Variants in HUWE1 observed in about 807,000 individuals in gnomAD.
The protein encoded by HUWE1 is E3 ubiquitin-protein ligase HUWE1.
A neutral mutation model predicts 299.4 loss-of-function variants in HUWE1; 18 were observed. That is an observed-to-expected ratio of 0.06 (90% CI 0.04 to 0.09). The LOEUF is 0.09. Among genes scored for constraint, HUWE1 ranks in the 10% least tolerant of loss-of-function variants. The pLI, the probability that HUWE1 is intolerant of heterozygous loss-of-function variation, is 1.00. For missense variants in HUWE1, 1,832 were observed against 3,462.3 expected, an observed-to-expected ratio of 0.53 and a Z score of 11.82; for synonymous variants, 1,317 against 1,286.1, an observed-to-expected ratio of 1.02 and a Z score of -0.51.
In HUWE1 at chrX:53,595,481, A is replaced by T. The variant is rs147920163; in HGVS notation, c.3164-78T>A. ...TTACAACAGACATATTACCATTAACATATTTTTATGACTCACCACTTCCTC... is the reference window on the plus strand; with the variant it reads ...TTACAACAGACATATTACCATTAACTTATTTTTATGACTCACCACTTCCTC... On this transcript the variant is annotated intron_variant, in intron 29 of 83. Transcript: ENST00000262854. 2.6e-3 allele frequency: 2,112 copies of T among 797,530 alleles called. 41 individuals are homozygous for T. The African/African-American group carries it at 0.04, about 15-fold the overall frequency. The allele number at this position is 797,530 out of a possible 1,213,427, so 65.7% of individuals were successfully genotyped here.
intron 67 of HUWE1, 128 bp from the exon 68 acceptor site, chrX:53,548,401 C>T (rs2061634953): frequency 1.3e-6 from 1 of 776,153 alleles, no homozygotes; most frequent in Admixed American, 2.7e-5. Flanking sequence ...GGGGATATGT[C>T]ATATAAGAGT....
At chrX:53,671,254 C>A (rs1464700988) in intron 3 of HUWE1, among the ~76,000 whole-genome samples, 2 of 111,407 alleles carry the variant, frequency 1.8e-5, no homozygotes, top group African/African-American at 3.3e-5. Flanking sequence ...AACCAAATAT[C>A]ACCTGTTCCC....
chrX:53,534,874 C>T (rs371424669), intron 81 of HUWE1, among the ~76,000 whole-genome samples, 177 bp from the exon 82 acceptor site: 16 of 110,427 alleles, frequency 1.4e-4, no homozygotes, highest in East Asian at 5.6e-4. Flanking sequence ...TATCCTCCTG[C>T]CTCAGCCTCC....
intron 29 of HUWE1, 112 bp from the exon 30 acceptor site, chrX:53,595,515 C>T (rs1008353114): frequency 8.2e-6 from 5 of 606,777 alleles, no homozygotes; most frequent in Non-Finnish European, 1.3e-5. Context: ...TCCTACAACC[C>T]CTAGTTAACA....
intron 7 of HUWE1, among the ~76,000 whole-genome samples, chrX:53,640,276 A>G (rs2067496016): frequency 8.9e-6 from 1 of 111,776 alleles, no homozygotes; most frequent in Non-Finnish European, 1.9e-5. Context: ...GGGAGGATCA[A>G]TTGAGCCTGG....
intron 3 of HUWE1, among the ~76,000 whole-genome samples, chrX:53,663,382 G>A (rs782677409): frequency 9.0e-6 from 1 of 111,524 alleles, no homozygotes; most frequent in Admixed American, 9.5e-5. Context: ...GTGTGGTGGC[G>A]CATGTCTGTA....
chrX:53,663,098 T>C (rs782689636), intron 3 of HUWE1, among the ~76,000 whole-genome samples: 18 of 112,055 alleles, frequency 1.6e-4, no homozygotes, highest in Non-Finnish European at 3.0e-4. Flanking sequence ...CCACTGAAAT[T>C]GGTAATAGAG....
Position 53,609,674 on chromosome X carries a change from C to G in HUWE1, c.2262-765G>C, listed in dbSNP as rs1372190771. Among the ~76,000 whole-genome samples the G allele has an allele frequency of 2.7e-5, 3 of 111,932 alleles. No homozygotes were observed. The Admixed American group carries it at 2.8e-4, about 11-fold the overall frequency. ...GTATATTGTGATGAATCAAAATATA[C>G]CTCTAAGATAAACCCCAGGAAGGAA... On this transcript the variant is annotated intron_variant, in intron 23 of 83. Transcript: ENST00000262854.
chrX:53,604,037 A>G (rs781978726), intron 26 of HUWE1, among the ~76,000 whole-genome samples: 1 of 111,313 alleles, frequency 9.0e-6, no homozygotes, highest in East Asian at 2.8e-4. Context: ...CAGAGAACAC[A>G]CTCCTGCTCA....
intron 59 of HUWE1, 75 bp from the exon 60 acceptor site, chrX:53,557,502 T>C: frequency 1.2e-6 from 1 of 815,034 alleles, no homozygotes; most frequent in Non-Finnish European, 1.9e-6. Flanking sequence ...ATAGTCACCA[T>C]CCTCCACCCA....
chrX:53,573,527 C>T (rs1556954467), intron 47 of HUWE1, among the ~76,000 whole-genome samples: 1 of 112,297 alleles, frequency 8.9e-6, no homozygotes, highest in African/African-American at 3.2e-5. Context: ...AGGCTGATCT[C>T]GAACTCCTAA....
In HUWE1 at chrX:53,603,332, A is replaced by G. The variant is rs199682158; in HGVS notation, c.2876+36T>C. The G allele has an allele frequency of 5.0e-3, 5,995 of 1,193,174 alleles. 15 individuals carry two copies. The highest frequency in any genetic ancestry group is 5.4e-3 in the Non-Finnish European group (4,792 of 882,134). On this transcript the variant is annotated intron_variant, in intron 27 of 83. Transcript: ENST00000262854. Reference sequence around the variant, plus strand: ...AATCCTCCAGGCTCACCGAACTTAGATAACAAAGTAATAAGAGAGAGAGCC... The same window carrying G: ...AATCCTCCAGGCTCACCGAACTTAGGTAACAAAGTAATAAGAGAGAGAGCC...
At chrX:53,582,225 G>T (rs964827622) in intron 42 of HUWE1, among the ~76,000 whole-genome samples, 2 of 112,611 alleles carry the variant, frequency 1.8e-5, no homozygotes, top group Non-Finnish European at 3.8e-5. Context: ...CTTTGAACTT[G>T]TAACTTTTAA....
rs2061632323 is a variant in HUWE1 at position 53,548,363 on chromosome X, C to T, written c.10036-90G>A. ...AGGGAAAAGACAACTGGTTCCCAGA[C>T]TCCTTCAGACAATTTTGGTAAATAT... is the stretch of plus-strand genomic sequence containing the variant. On this transcript the variant is annotated intron_variant, in intron 67 of 83. Coordinates refer to ENST00000262854, the MANE Select transcript of HUWE1 (RefSeq NM_031407.7). The T allele has an allele frequency of 1.4e-5, 15 of 1,034,847 alleles. No individual in the cohort carries two copies. The South Asian group carries it at 2.8e-4, about 20-fold the overall frequency. 85.3% of individuals were successfully genotyped at this position (1,034,847 alleles called of 1,213,427 possible).
intron 3 of HUWE1, among the ~76,000 whole-genome samples, chrX:53,672,582 T>C (rs1557049788): frequency 9.0e-6 from 1 of 111,309 alleles, no homozygotes; most frequent in Non-Finnish European, 1.9e-5. Context: ...TCTTAAGACA[T>C]GCAGCTGAAA....
chrX:53,546,265 A>C (rs1242515515), intron 70 of HUWE1, among the ~76,000 whole-genome samples, 171 bp downstream of exon 70: 2 of 111,625 alleles, frequency 1.8e-5, no homozygotes, highest in Admixed American at 9.5e-5. Flanking sequence ...GCAGAGGAAA[A>C]CAGATGATAA....
chrX:53,676,080 C>T (rs1005916278), intron 3 of HUWE1, among the ~76,000 whole-genome samples: 1 of 111,562 alleles, frequency 9.0e-6, no homozygotes, highest in African/African-American at 3.3e-5. Context: ...CCTGCCTCAC[C>T]ACTGATGATC....
rs782372349 is a variant in HUWE1 at position 53,538,441 on chromosome X, A to G, written c.11892T>C (p.Thr3964=). The G allele has an allele frequency of 8.4e-7, 1 of 1,193,283 alleles. No individual in the cohort carries two copies. The highest frequency in any genetic ancestry group is 1.8e-5 in the South Asian group (1 of 56,318). Residue 3964 remains threonine (T), a synonymous_variant, in exon 77 of 84, where the codon ACT becomes ACC. Coordinates refer to ENST00000262854, the MANE Select transcript of HUWE1 (RefSeq NM_031407.7). ...KFLRFAETHR[T]VLNQILRQST... ...ACTGCCGTAGGATCTGGTTTAACAC[A>G]GTGCGGTGAGTCTCTGAGGGGAGAA...
intron 62 of HUWE1, 36 bp downstream of exon 62, chrX:53,552,602 A>G (rs2061812805): frequency 8.3e-7 from 1 of 1,211,251 alleles, no homozygotes; most frequent in East Asian, 3.0e-5. Context: ...AGACCCTCCA[A>G]TATATCCTAC....
Sources: allele counts gnomAD v4.1 joint callset (sites outside exome capture counted in the v4.1 genomes callset), GRCh38; gene constraint gnomAD v4.1.1; transcripts MANE v1.5; gene names NCBI Gene and HGNC (gene_info 2026-07-23, HGNC 2026-07-21).